SERPINB2: variants seen among roughly 807,000 people sequenced by gnomAD.
SERPINB2 encodes serpin family B member 2, also known as plasminogen activator inhibitor 2.
A neutral mutation model predicts 39.4 loss-of-function variants in SERPINB2; 28 were observed. The ratio of observed to expected loss-of-function variants is 0.71; its 90% confidence interval spans 0.53 to 0.97. The LOEUF is 0.97. Ranked by LOEUF, SERPINB2 falls within the 50% of genes least tolerant of loss-of-function variation. SERPINB2 has a pLI of 0.00. For missense variants in SERPINB2, 557 were observed against 505.3 expected, an observed-to-expected ratio of 1.10 and a Z score of -0.98; for synonymous variants, 209 against 175.1, an observed-to-expected ratio of 1.19 and a Z score of -1.53.
At chr18:63,895,240 C>G in intron 2 of SERPINB2, 24 bp from the exon 3 acceptor site, 1 of 1,610,304 alleles carries the variant, frequency 6.2e-7, no homozygotes. Flanking sequence ...CAAGTGTAAC[C>G]GTTTTCTCTA....
chr18:63,901,972 A>G (rs2049994512), intron 6 of SERPINB2, 90 bp downstream of exon 6: 7 of 1,253,432 alleles, frequency 5.6e-6, no homozygotes, highest in Admixed American at 5.1e-5. Context: ...CTCATTATAG[A>G]CTTGCTAGTT....
chr18:63,895,411 T>A, intron 3 of SERPINB2, 28 bp downstream of exon 3: 1 of 1,613,796 alleles, frequency 6.2e-7, no homozygotes, highest in Non-Finnish European at 8.5e-7. Context: ...CCAAATTTCT[T>A]TTGTGGTTTA....
Position 63,897,851 on chromosome 18 carries a change from C to G in SERPINB2, c.535+7C>G. ...GTCAAGACTCAAACCAAAGGTAAATCCAAGAAAATATTTTATTTACTTCTT... is the reference window on the plus strand; with the variant it reads ...GTCAAGACTCAAACCAAAGGTAAATGCAAGAAAATATTTTATTTACTTCTT... On this transcript the variant is annotated splice_region_variant and intron_variant, in intron 5 of 7. Transcript: ENST00000299502. 6.6e-7 allele frequency: 1 copy of G among 1,515,946 alleles called. No individual in the cohort carries two copies. The highest frequency in any genetic ancestry group is 2.3e-5 in the East Asian group (1 of 44,358). The allele number at this position is 1,515,946 out of a possible 1,614,324, so 93.9% of individuals were successfully genotyped here.
At chr18:63,895,217 G>GT (rs1408736493) in intron 2 of SERPINB2, 47 bp from the exon 3 acceptor site, 4 of 1,604,186 alleles carry the variant, frequency 2.5e-6, no homozygotes, top group East Asian at 4.5e-5. Context: ...TAAAAGTTCA[G>GT]TAAATCCGTG....
At position 63,903,534 on chromosome 18, in the gene SERPINB2, G is replaced by T; in HGVS notation, c.*229G>T. The T allele has an allele frequency of 3.0e-6, 1 of 328,510 alleles. No individual in the cohort carries two copies. The highest frequency in any genetic ancestry group is 5.4e-6 in the Non-Finnish European group (1 of 185,150). 20.3% of individuals were successfully genotyped at this position (328,510 alleles called of 1,614,324 possible). ...TCTAAAATGGGATCATGCCCATTTA[G>T]ATTTTCCTTACTATCAGTTTATTTT... is the stretch of plus-strand genomic sequence containing the variant. On this transcript the variant is annotated 3_prime_UTR_variant, in exon 8 of 8. Coordinates refer to ENST00000299502, the MANE Select transcript of SERPINB2 (RefSeq NM_002575.3).
chr18:63,890,900 G>A (rs554539962), intron 1 of SERPINB2: 1 of 152,914 alleles, frequency 6.5e-6, no homozygotes, highest in African/African-American at 2.4e-5. Flanking sequence ...GATGCAACAA[G>A]GTATGTATGC....
intron 6 of SERPINB2, 111 bp from the exon 7 acceptor site, chr18:63,902,293 A>G (rs1367084404): frequency 1.0e-6 from 1 of 972,170 alleles, no homozygotes; most frequent in Admixed American, 3.1e-5. Context: ...TTGATTTAAA[A>G]AAATCACATT....
At chr18:63,897,666 T>C in intron 4 of SERPINB2, 61 bp from the exon 5 acceptor site, 1 of 1,150,402 alleles carries the variant, frequency 8.7e-7, no homozygotes, top group South Asian at 1.2e-5. Flanking sequence ...TAATTCACCA[T>C]TATGCCATGG....
In SERPINB2 at chr18:63,891,588, C is replaced by T. The variant is rs765558560; in HGVS notation, c.144C>T (p.Gly48=). 1 of 1,613,964 alleles carries T rather than the reference C, an allele frequency of 6.2e-7. No individual in the cohort carries two copies. Among genetic ancestry groups the T allele is most frequent in the Non-Finnish European group, 8.5e-7 (1 of 1,179,892 alleles). ...TMAMVYMGSR[G]STEDQMAKVL... ...CCATGGTCTACATGGGCTCCAGGGG[C>T]AGCACCGAAGACCAGATGGCCAAGG... The change falls in exon 2 of 8, where the codon GGC becomes GGT. Residue 48 remains glycine (G), a synonymous_variant. Coordinates refer to ENST00000299502, the MANE Select transcript of SERPINB2 (RefSeq NM_002575.3).
chr18:63,895,164 A>G, intron 2 of SERPINB2, 100 bp from the exon 3 acceptor site: 1 of 1,402,480 alleles, frequency 7.1e-7, no homozygotes, highest in Non-Finnish European at 9.8e-7. Context: ...GGGAAGGGAA[A>G]AGATCTAGGA....
chr18:63,901,906 T>C, intron 6 of SERPINB2, 24 bp downstream of exon 6: 2 of 1,584,892 alleles, frequency 1.3e-6, no homozygotes, highest in Non-Finnish European at 1.7e-6. Flanking sequence ...AAATACATCT[T>C]CCTAGCATAT....
chr18:63,891,346 A>T, intron 1 of SERPINB2, 90 bp from the exon 2 acceptor site: 1 of 1,325,460 alleles, frequency 7.5e-7, no homozygotes, highest in Non-Finnish European at 1.1e-6. Flanking sequence ...GTCCCTACAC[A>T]GAATGCAGCC....
intron 7 of SERPINB2, 28 bp from the exon 8 acceptor site, chr18:63,902,869 TTTTG>T (rs747539312): frequency 4.0e-6 from 6 of 1,517,276 alleles, no homozygotes; most frequent in Non-Finnish European, 5.3e-6. Flanking sequence ...CTGTATTTTC[TTTTG>T]TTTGTTTTGT....
At chr18:63,891,184 C>G (rs1293078909) in intron 1 of SERPINB2, among the ~76,000 whole-genome samples, 1 of 152,108 alleles carries the variant, frequency 6.6e-6, no homozygotes, top group Non-Finnish European at 1.5e-5. Context: ...AAATGTGGGC[C>G]TTTTGTTTAA....
chr18:63,895,524 A>C, intron 3 of SERPINB2, 141 bp downstream of exon 3: 6 of 1,080,676 alleles, frequency 5.6e-6, no homozygotes, highest in Non-Finnish European at 8.2e-6. Flanking sequence ...AGAGTCATTA[A>C]GAAAAACATG....
At chr18:63,902,105 G>C (rs1250342693) in intron 6 of SERPINB2, among the ~76,000 whole-genome samples, 1 of 152,102 alleles carries the variant, frequency 6.6e-6, no homozygotes, top group African/African-American at 2.4e-5. Context: ...TTATTTCAAA[G>C]GGCTGTAAAT....
chr18:63,899,769 C>G (rs1166861362), intron 5 of SERPINB2, among the ~76,000 whole-genome samples: 1 of 152,102 alleles, frequency 6.6e-6, no homozygotes, highest in Non-Finnish European at 1.5e-5. Context: ...TCATTTAACT[C>G]TTATGTTTAA....
In SERPINB2 at chr18:63,902,520, C is replaced by T; in HGVS notation, c.795C>T (p.Phe265=). Reference sequence around the variant, plus strand: ...CATATGCTGGAGATGTTAGCATGTTCTTGTTGCTTCCAGATGAAATTGCCG... The same window carrying T: ...CATATGCTGGAGATGTTAGCATGTTTTTGTTGCTTCCAGATGAAATTGCCG... The part of the protein sequence containing the change: ...ELPYAGDVSM[F]LLLPDEIADV... Residue 265 remains phenylalanine, a synonymous_variant, in exon 7 of 8, where the codon TTC becomes TTT. Coordinates refer to ENST00000299502, the MANE Select transcript of SERPINB2 (RefSeq NM_002575.3). The T allele has an allele frequency of 6.2e-7, 1 of 1,613,558 alleles. No homozygotes were observed. Among genetic ancestry groups the T allele is most frequent in the Non-Finnish European group, 8.5e-7 (1 of 1,179,656 alleles).
intron 2 of SERPINB2, 48 bp from the exon 3 acceptor site, chr18:63,895,216 A>G (rs771495272): frequency 6.2e-7 from 1 of 1,603,712 alleles, no homozygotes; most frequent in Non-Finnish European, 8.5e-7. Flanking sequence ...TTAAAAGTTC[A>G]GTAAATCCGT....
Sources: allele counts gnomAD v4.1 joint callset (sites outside exome capture counted in the v4.1 genomes callset), GRCh38; gene constraint gnomAD v4.1.1; transcripts MANE v1.5; gene names NCBI Gene and HGNC (gene_info 2026-07-23, HGNC 2026-07-21).